DSCAM: variants seen among roughly 807,000 people sequenced by gnomAD.
The protein encoded by DSCAM is cell adhesion molecule DSCAM.
A neutral mutation model predicts 217.7 loss-of-function variants in DSCAM; 47 were observed. The ratio of observed to expected loss-of-function variants is 0.22; its 90% CI spans 0.17 to 0.28. The LOEUF (loss-of-function observed/expected upper bound fraction) is 0.28, where lower values mean the gene tolerates loss of function less well. Among genes scored for constraint, DSCAM ranks in the 10% least tolerant of loss-of-function variants. The pLI, the probability that DSCAM is intolerant of heterozygous loss-of-function variation, is 1.00. For missense variants in DSCAM, 2,080 were observed against 2,618.3 expected (o/e 0.79, Z 4.49); for synonymous variants, 1,056 against 1,015.3 (o/e 1.04, Z -0.76).
chr21:40,259,658 A>ATTTTTTT (rs1365627587), intron 11 of DSCAM, among the ~76,000 whole-genome samples: 16 of 60,132 alleles, frequency 2.7e-4, no homozygotes, highest in Non-Finnish European at 5.9e-4. Context: ...TGAGTCAGCC[A>ATTTTTTT]TTCTTTTTTT....
intron 21 of DSCAM, 27 bp downstream of exon 21, chr21:40,093,694 A>G (rs758346970): frequency 3.1e-6 from 5 of 1,613,130 alleles, no homozygotes. Flanking sequence ...TACAACAGGA[A>G]ATGAGGTCCT....
chr21:40,210,607 C>A (rs149010779), intron 11 of DSCAM, among the ~76,000 whole-genome samples: 1 of 152,210 alleles, frequency 6.6e-6, no homozygotes, highest in Non-Finnish European at 1.5e-5. Context: ...TGCAGTGGCA[C>A]GATCTTGGCT....
intron 32 of DSCAM, among the ~76,000 whole-genome samples, chr21:40,037,532 G>C (rs1172497879): frequency 6.8e-6 from 1 of 147,728 alleles, no homozygotes; most frequent in African/African-American, 2.6e-5. Context: ...CAAACAAATG[G>C]AAGAACATTC....
In DSCAM at chr21:40,312,103, G is replaced by T. The variant is rs771047117; in HGVS notation, c.2040C>A (p.His680Gln). The T allele has an allele frequency of 6.2e-7, 1 of 1,613,858 alleles. No individual in the cohort carries two copies. Among genetic ancestry groups the T allele is most frequent in the South Asian group, 1.1e-5 (1 of 91,082 alleles). Residue 680 changes from histidine (H) to glutamine (Q), a missense_variant, in exon 9 of 33, where the codon CAC becomes CAA. Coordinates refer to ENST00000400454, the MANE Select transcript of DSCAM (RefSeq NM_001389.5). ...CACCTCTGACAATCAACTGGCTTTG[G>T]TGCTCCACAGCGGCGGCCTCATTCC... The part of the protein sequence containing the change: ...IARNEAAAVE[H>Q]QSQLIVRVPP...
chr21:40,286,976 C>T (rs934895454), intron 10 of DSCAM, among the ~76,000 whole-genome samples: 2 of 131,470 alleles, frequency 1.5e-5, no homozygotes, highest in Non-Finnish European at 3.2e-5. Context: ...AGTGTGATTG[C>T]AGTGTGATCC....
intron 3 of DSCAM, among the ~76,000 whole-genome samples, chr21:40,485,456 A>G (rs2145997287): frequency 6.6e-6 from 1 of 151,570 alleles, no homozygotes; most frequent in Admixed American, 6.6e-5. Flanking sequence ...GTTAGCCAGG[A>G]TGGTCTCCAT....
intron 1 of DSCAM, among the ~76,000 whole-genome samples, chr21:40,797,080 T>A (rs1401603658): frequency 6.6e-6 from 1 of 152,188 alleles, no homozygotes; most frequent in African/African-American, 2.4e-5. Flanking sequence ...CAATAGCATG[T>A]TCATTGAACA....
At chr21:40,673,884 G>C (rs980226151) in intron 3 of DSCAM, among the ~76,000 whole-genome samples, 2 of 152,118 alleles carry the variant, frequency 1.3e-5, no homozygotes, top group East Asian at 1.9e-4. Context: ...CTGCAGAACC[G>C]TGAGCCGGTT....
In DSCAM at chr21:40,042,666, T is replaced by C. The variant is rs145903838; in HGVS notation, c.5391A>G (p.Ala1797=). 592 of 1,288,850 alleles carry C rather than the reference T, an allele frequency of 4.6e-4. 3 individuals are homozygous for C. The African/African-American group carries it at 0.012, about 26-fold the overall frequency. The allele number at this position is 1,288,850 out of a possible 1,614,324, so 79.8% of individuals were successfully genotyped here. A position where few individuals can be genotyped will look rare whatever the true frequency, so the allele number is the denominator to read the frequency against. The part of the protein sequence containing the change: ...SVSPSQDTDR[A]RSSMVSTESA... ...TTTCTGTGGAGACCATGCTGCTTCT[T>C]GCTCGATCTACACCAGGAAAGAGAA... The change falls in exon 32 of 33, where the codon GCA becomes GCG. Residue 1797 remains alanine (A), a synonymous_variant. Coordinates refer to ENST00000400454, the MANE Select transcript of DSCAM (RefSeq NM_001389.5).
At chr21:40,571,664 T>C (rs2076807817) in intron 3 of DSCAM, among the ~76,000 whole-genome samples, 1 of 152,210 alleles carries the variant, frequency 6.6e-6, no homozygotes, top group Non-Finnish European at 1.5e-5. Context: ...AATATACATG[T>C]GTGTTTGTTT....
chr21:40,603,727 T>C (rs943779488), intron 3 of DSCAM, among the ~76,000 whole-genome samples: 35 of 152,228 alleles, frequency 2.3e-4, no homozygotes, highest in Admixed American at 1.8e-3. Flanking sequence ...CTGTTGTTAC[T>C]GTTGTTGTTG....
rs908236534 is a variant in DSCAM, at chr21:40,637,882, C to T, written c.508+54928G>A. On this transcript the variant is annotated intron_variant, in intron 3 of 32. Coordinates refer to ENST00000400454, the MANE Select transcript of DSCAM (RefSeq NM_001389.5). ...AAAACCCCGTAGAGATGGGGTTTCA[C>T]CATATTGGTCAGGCAGGTCTTGAAC... 2.6e-5 allele frequency among the ~76,000 whole-genome samples: 4 copies of T among 151,426 alleles called. 1 individual carries two copies. Among genetic ancestry groups the T allele is most frequent in the Admixed American group, 1.3e-4 (2 of 15,122 alleles).
chr21:40,643,083 G>A (rs561033812), intron 3 of DSCAM, among the ~76,000 whole-genome samples: 3 of 152,126 alleles, frequency 2.0e-5, no homozygotes, highest in East Asian at 1.9e-4. Context: ...GATGAGTGGC[G>A]GGGTGGGTAG....
intron 11 of DSCAM, among the ~76,000 whole-genome samples, chr21:40,249,079 G>C (rs2073266832): frequency 6.6e-6 from 1 of 152,160 alleles, no homozygotes; most frequent in Non-Finnish European, 1.5e-5. Context: ...GAAATTCTAG[G>C]AGATACAATT....
chr21:40,202,334 C>T (rs988707167), intron 11 of DSCAM, among the ~76,000 whole-genome samples: 1 of 152,232 alleles, frequency 6.6e-6, no homozygotes, highest in Non-Finnish European at 1.5e-5. Context: ...TTATGTACAG[C>T]TGTTTTTCAT....
rs545769217 is a variant in DSCAM at position 40,020,663 on chromosome 21, G to A, written c.5687-7277C>T. 9.5e-4 allele frequency among the ~76,000 whole-genome samples: 145 copies of A among 152,272 alleles called. 4 individuals are homozygous for A. The highest frequency in any genetic ancestry group is 4.1e-4 in the South Asian group (2 of 4,822). ...AGGAGGATCCAGCTCATGGTCTGAC[G>A]GCAGGAGGAACTGAGCTTGAACTCA... On this transcript the variant is annotated intron_variant, in intron 32 of 32. Coordinates refer to ENST00000400454, the MANE Select transcript of DSCAM (RefSeq NM_001389.5).
At chr21:40,072,128 T>C (rs962904415) in intron 27 of DSCAM, among the ~76,000 whole-genome samples, 2 of 152,106 alleles carry the variant, frequency 1.3e-5, no homozygotes, top group Non-Finnish European at 2.9e-5. Context: ...ATCTCTTCTC[T>C]CTCTAGGACC....
intron 3 of DSCAM, among the ~76,000 whole-genome samples, chr21:40,403,909 T>G (rs1324022342): frequency 6.6e-6 from 1 of 152,144 alleles, no homozygotes; most frequent in African/African-American, 2.4e-5. Context: ...AATATGAAAA[T>G]CAGGCATGTC....
intron 1 of DSCAM, among the ~76,000 whole-genome samples, chr21:40,842,781 G>GC (rs983171088): frequency 1.3e-5 from 2 of 152,098 alleles, no homozygotes; most frequent in African/African-American, 2.4e-5. Flanking sequence ...CGCTGGTTCT[G>GC]CCCCCCGTGA....
Sources: allele counts gnomAD v4.1 joint callset (sites outside exome capture counted in the v4.1 genomes callset), GRCh38; gene constraint gnomAD v4.1.1; transcripts MANE v1.5; gene names NCBI Gene and HGNC (gene_info 2026-07-23, HGNC 2026-07-21).